CEP112: variants seen among roughly 807,000 people sequenced by gnomAD.
The protein encoded by CEP112 is centrosomal protein of 112 kDa.
A neutral mutation model predicts 153.0 loss-of-function variants in CEP112; 127 were observed. That is an observed-to-expected ratio of 0.83 (90% CI 0.72 to 0.96). The LOEUF (loss-of-function observed/expected upper bound fraction) is 0.96, where lower values mean the gene tolerates loss of function less well. Among genes scored for constraint, CEP112 ranks in the 40% least tolerant of loss-of-function variants. The pLI is 0.00. For synonymous variants in CEP112, 358 were observed against 374.4 expected, an observed-to-expected ratio of 0.96 and a Z score of 0.51; for missense variants, 1,089 against 1,101.2, an observed-to-expected ratio of 0.99 and a Z score of 0.16.
intron 4 of CEP112, among the ~76,000 whole-genome samples, chr17:66,161,502 A>AT (rs1242982700): frequency 6.6e-6 from 1 of 152,216 alleles, no homozygotes; most frequent in East Asian, 1.9e-4. Context: ...CTATGCAGCC[A>AT]TAAAAAAAAG....
chr17:65,941,629 T>G (rs1160872635), intron 18 of CEP112: 1 of 152,152 alleles, frequency 6.6e-6, no homozygotes, highest in East Asian at 1.9e-4. Flanking sequence ...AAGAAATACA[T>G]AAAGGAAACG....
chr17:66,061,523 T>C lies in CEP112; in HGVS notation c.1074+1440A>G, dbSNP rs1026651858. On this transcript the variant is annotated intron_variant, in intron 11 of 26. Transcript: ENST00000535342. ...CACAATAGTCAAGATATGAAATCAA[T>C]GTAAGTGCCCATCAAAGGATGAATG... Among the ~76,000 whole-genome samples the C allele has an allele frequency of 2.0e-5, 3 of 151,844 alleles. No individual in the cohort carries two copies. The East Asian group carries it at 5.8e-4, about 29-fold the overall frequency.
intron 8 of CEP112, among the ~76,000 whole-genome samples, chr17:66,087,532 A>G (rs973257590): frequency 1.3e-5 from 2 of 152,192 alleles, no homozygotes; most frequent in African/African-American, 2.4e-5. Context: ...AGTTTTTGTA[A>G]CACCAGGATT....
chr17:66,096,421 A>T, intron 7 of CEP112, 93 bp from the exon 8 acceptor site: 2 of 1,251,398 alleles, frequency 1.6e-6, no homozygotes, highest in Non-Finnish European at 1.2e-6. Context: ...GGCCCGTACC[A>T]AAATAGTACT....
chr17:65,711,342 T>C (rs1440999846), intron 23 of CEP112, among the ~76,000 whole-genome samples: 1 of 152,178 alleles, frequency 6.6e-6, no homozygotes, highest in Non-Finnish European at 1.5e-5. Context: ...GGCAAGTTAT[T>C]TACATTTTTC....
At chr17:66,083,232 T>C (rs1372925732) in intron 8 of CEP112, among the ~76,000 whole-genome samples, 1 of 152,178 alleles carries the variant, frequency 6.6e-6, no homozygotes, top group Non-Finnish European at 1.5e-5. Context: ...TGAGATCTGA[T>C]GGTTTTATAA....
intron 17 of CEP112, among the ~76,000 whole-genome samples, chr17:65,964,214 G>A (rs2062327372): frequency 6.6e-6 from 1 of 152,206 alleles, no homozygotes; most frequent in Admixed American, 6.5e-5. Context: ...TGGTCTTAAT[G>A]TTAACTGGCT....
At chr17:65,967,708 A>C (rs2062463362) in intron 17 of CEP112, among the ~76,000 whole-genome samples, 1 of 152,174 alleles carries the variant, frequency 6.6e-6, no homozygotes, top group South Asian at 2.1e-4. Context: ...AAGGTATATA[A>C]GTAAAATTAA....
At chr17:65,690,134 A>C (rs936605410) in intron 23 of CEP112, among the ~76,000 whole-genome samples, 4 of 150,998 alleles carry the variant, frequency 2.6e-5, no homozygotes, top group Non-Finnish European at 5.9e-5. Flanking sequence ...AAAAAAAAAA[A>C]AAAACTCCGG....
At chr17:66,005,167 G>C (rs1163632897) in intron 17 of CEP112, among the ~76,000 whole-genome samples, 1 of 152,110 alleles carries the variant, frequency 6.6e-6, no homozygotes, top group Non-Finnish European at 1.5e-5. Context: ...AGTAATAGGA[G>C]AGCCCAATCA....
At chr17:65,814,466 T>A (rs1330607076) in intron 21 of CEP112, among the ~76,000 whole-genome samples, 1 of 152,156 alleles carries the variant, frequency 6.6e-6, no homozygotes, top group African/African-American at 2.4e-5. Flanking sequence ...GATTTAAGCA[T>A]CCAAAAAGAA....
At chr17:66,074,260 A>G (rs1391068034) in intron 8 of CEP112, among the ~76,000 whole-genome samples, 1 of 152,152 alleles carries the variant, frequency 6.6e-6, no homozygotes, top group African/African-American at 2.4e-5. Context: ...GAGTCTGTAA[A>G]TTTGATGACA....
intron 17 of CEP112, among the ~76,000 whole-genome samples, chr17:65,995,022 G>A (rs2063732633): frequency 6.6e-6 from 1 of 152,106 alleles, no homozygotes; most frequent in African/African-American, 2.4e-5. Flanking sequence ...TGCCCCAGGG[G>A]TGAGTCCCTT....
chr17:65,666,668 T>A (rs983998387), intron 24 of CEP112, among the ~76,000 whole-genome samples: 1 of 152,202 alleles, frequency 6.6e-6, no homozygotes, highest in African/African-American at 2.4e-5. Flanking sequence ...CTCAATTTCC[T>A]GAAAACATAA....
chr17:65,656,609 T>C (rs1170518253), intron 24 of CEP112, among the ~76,000 whole-genome samples: 1 of 152,208 alleles, frequency 6.6e-6, no homozygotes, highest in African/African-American at 2.4e-5. Context: ...TGCTTTCTCA[T>C]GACAATGGCA....
intron 18 of CEP112, among the ~76,000 whole-genome samples, chr17:65,944,801 A>AGACT (rs1273135279): frequency 1.3e-5 from 2 of 152,096 alleles, no homozygotes; most frequent in African/African-American, 2.4e-5. Context: ...TCTGTTTCCC[A>AGACT]GACTGACTCC....
chr17:65,806,785 G>C (rs952588695), intron 21 of CEP112, among the ~76,000 whole-genome samples: 1 of 152,176 alleles, frequency 6.6e-6, no homozygotes, highest in African/African-American at 2.4e-5. Context: ...TGTTAAGCCT[G>C]CAAAACTGTG....
intron 20 of CEP112, among the ~76,000 whole-genome samples, chr17:65,889,100 G>A (rs1439754986): frequency 6.6e-6 from 1 of 152,124 alleles, no homozygotes; most frequent in Non-Finnish European, 1.5e-5. Flanking sequence ...CCATAGGACT[G>A]GAGATGCTGG....
intron 1 of CEP112, among the ~76,000 whole-genome samples, chr17:66,188,397 A>ATC (rs1568598275): frequency 8.5e-5 from 11 of 128,964 alleles, no homozygotes; most frequent in Non-Finnish European, 1.5e-4. Flanking sequence ...CCATGGTCAA[A>ATC]CCCCCCCCCA....
Sources: gnomAD v4.1 joint callset for allele counts (sites outside exome capture counted in the v4.1 genomes callset) on GRCh38, gnomAD v4.1.1 for gene constraint, MANE v1.5 for transcripts, NCBI Gene and HGNC (gene_info 2026-07-23, HGNC 2026-07-21) for gene names.